C6: variants seen among roughly 807,000 people sequenced by gnomAD.
C6 encodes the protein complement C6, also known as complement component C6.
In C6, 101 loss-of-function variants were observed where a neutral mutation model predicts 112.9. The ratio of observed to expected loss-of-function variants is 0.89; its 90% CI spans 0.76 to 1.06. C6 has a LOEUF of 1.06. C6 is among the 50% of genes least tolerant of loss of function. The pLI is 0.00. For synonymous variants in C6, 431 were observed against 384.1 expected, an observed-to-expected ratio of 1.12 and a Z score of -1.43; for missense variants, 1,202 against 1,104.6, an observed-to-expected ratio of 1.09 and a Z score of -1.25.
chr5:41,251,472 G>A (rs1741358253), intron 1 of C6, among the ~76,000 whole-genome samples: 1 of 152,102 alleles, frequency 6.6e-6, no homozygotes, highest in Non-Finnish European at 1.5e-5. Flanking sequence ...TTGAAAACTT[G>A]ATCTTGTTGC....
chr5:41,149,317 C>T lies in C6; in HGVS notation c.2547G>A (p.Arg849=). 6.2e-7 allele frequency: 1 copy of T among 1,613,968 alleles called. No individual in the cohort carries two copies. The highest frequency in any genetic ancestry group is 2.2e-5 in the East Asian group (1 of 44,866). The change falls in exon 17 of 18, where the codon AGG becomes AGA. Residue 849 remains arginine (R), a synonymous_variant. Transcript: ENST00000337836. The part of the protein sequence containing the change: ...DGRQLEWGLE[R]TRLSSNSTKK... Reference sequence around the variant, plus strand: ...TTGTGCTGTTGGATGAAAGTCTTGTCCTTTCAAGACCCCATTCTAACTGGC... The same window carrying T: ...TTGTGCTGTTGGATGAAAGTCTTGTTCTTTCAAGACCCCATTCTAACTGGC...
upstream of C6, among the ~76,000 whole-genome samples, chr5:41,215,405 G>A (rs1337567396): frequency 1.3e-5 from 2 of 152,156 alleles, no homozygotes; most frequent in Non-Finnish European, 2.9e-5. Context: ...TTCAGAGCTA[G>A]GAATTGAATA....
At chr5:41,257,376 T>C (rs1741785496) in intron 1 of C6, among the ~76,000 whole-genome samples, 2 of 152,168 alleles carry the variant, frequency 1.3e-5, no homozygotes, top group African/African-American at 4.8e-5. Context: ...GCTGCATACC[T>C]TTCCGTGGTA....
At chr5:41,222,136 T>C (rs1739209620) in intron 1 of C6, among the ~76,000 whole-genome samples, 1 of 150,118 alleles carries the variant, frequency 6.7e-6, no homozygotes, top group African/African-American at 2.4e-5. Flanking sequence ...ATTGCTCTGT[T>C]GCCTGGGCGA....
chr5:41,222,165 C>CAA (rs111738334), intron 1 of C6, among the ~76,000 whole-genome samples: 3 of 110,186 alleles, frequency 2.7e-5, no homozygotes, highest in Non-Finnish European at 3.9e-5. Context: ...GACTCCATCT[C>CAA]AAAAAAAAAA....
At chr5:41,159,029 GT>G in intron 12 of C6, 52 bp downstream of exon 12, 1 of 1,531,090 alleles carries the variant, frequency 6.5e-7, no homozygotes, top group Non-Finnish European at 9.1e-7. Flanking sequence ...AACTCTCAAT[GT>G]TATTGAGAGT....
At chr5:41,247,639 A>C (rs1239226968) in intron 1 of C6, among the ~76,000 whole-genome samples, 2 of 150,440 alleles carry the variant, frequency 1.3e-5, no homozygotes, top group African/African-American at 4.9e-5. Context: ...AATGGCATGA[A>C]CCCGGGAGGT....
chr5:41,249,635 T>C (rs1000141344), intron 1 of C6, among the ~76,000 whole-genome samples: 2 of 152,226 alleles, frequency 1.3e-5, no homozygotes, highest in African/African-American at 2.4e-5. Context: ...TAAATTGTTT[T>C]CACAGCTCAA....
intron 1 of C6, among the ~76,000 whole-genome samples, chr5:41,242,236 T>C (rs1209209225): frequency 6.6e-6 from 1 of 152,190 alleles, no homozygotes; most frequent in Non-Finnish European, 1.5e-5. Context: ...AATTGGTTCA[T>C]GGGGGCGGTT....
At chr5:41,208,510 T>C (rs1202301360) in intron 1 of C6, among the ~76,000 whole-genome samples, 1 of 151,198 alleles carries the variant, frequency 6.6e-6, no homozygotes, top group Non-Finnish European at 1.5e-5. Context: ...AAGAATGAAA[T>C]AGACACAATA....
At chr5:41,203,371 T>TAAGG in intron 1 of C6, 121 bp from the exon 2 acceptor site, 11 of 969,814 alleles carry the variant, frequency 1.1e-5, no homozygotes, top group Non-Finnish European at 1.6e-5. Flanking sequence ...CTGCCTTCCT[T>TAAGG]AAGGCAAGTC....
chr5:41,160,396 A>G, intron 10 of C6, 29 bp from the exon 11 acceptor site: 1 of 1,546,526 alleles, frequency 6.5e-7, no homozygotes. Flanking sequence ...GAGGAGGTCC[A>G]GTCACATCCC....
At chr5:41,247,103 G>A (rs1741065876) in intron 1 of C6, among the ~76,000 whole-genome samples, 1 of 152,002 alleles carries the variant, frequency 6.6e-6, no homozygotes, top group African/African-American at 2.4e-5. Flanking sequence ...GGCTGACTGG[G>A]CACAGTATTA....
chr5:41,237,132 G>GA (rs1479920536), intron 1 of C6, among the ~76,000 whole-genome samples: 5 of 126,026 alleles, frequency 4.0e-5, no homozygotes, highest in Non-Finnish European at 6.5e-5. Context: ...ATTCACAGCC[G>GA]AATTCTACCA....
chr5:41,240,931 C>A (rs369066366), intron 1 of C6, among the ~76,000 whole-genome samples: 2 of 152,106 alleles, frequency 1.3e-5, no homozygotes, highest in South Asian at 4.2e-4. Context: ...CTCGGATGAC[C>A]GGCATTATTG....
chr5:41,239,262 C>T (rs1267492938), intron 1 of C6, among the ~76,000 whole-genome samples: 1 of 151,736 alleles, frequency 6.6e-6, no homozygotes, highest in East Asian at 1.9e-4. Flanking sequence ...CAGGCCCGTG[C>T]CACCACGCCC....
At chr5:41,149,115 T>C (rs1746125833) in intron 17 of C6, 126 bp downstream of exon 17, 1 of 1,220,664 alleles carries the variant, frequency 8.2e-7, no homozygotes, top group Non-Finnish European at 1.2e-6. Context: ...AATCATTTTA[T>C]GAATTTTTTT....
At chr5:41,231,903 T>G (rs1316832842) in intron 1 of C6, among the ~76,000 whole-genome samples, 1 of 151,310 alleles carries the variant, frequency 6.6e-6, no homozygotes, top group Non-Finnish European at 1.5e-5. Flanking sequence ...TTTTTTTTTC[T>G]GGCACAGTTA....
chr5:41,160,895 T>A (rs1747425947), intron 10 of C6, among the ~76,000 whole-genome samples: 1 of 152,082 alleles, frequency 6.6e-6, no homozygotes, highest in Non-Finnish European at 1.5e-5. Flanking sequence ...CAGTAACAAA[T>A]AATAGGCTAA....
Sources: gnomAD v4.1 joint callset for allele counts (sites outside exome capture counted in the v4.1 genomes callset) on GRCh38, gnomAD v4.1.1 for gene constraint, MANE v1.5 for transcripts, NCBI Gene and HGNC (gene_info 2026-07-23, HGNC 2026-07-21) for gene names.